Variants in PTPRG observed in about 807,000 individuals in gnomAD.
The protein encoded by PTPRG is receptor-type tyrosine-protein phosphatase gamma.
Under a neutral mutation model 165.3 loss-of-function variants are expected in PTPRG, and 102 were observed. That is an observed-to-expected ratio of 0.62 (90% CI 0.53 to 0.73). The LOEUF (loss-of-function observed/expected upper bound fraction) is 0.73, where lower values mean the gene tolerates loss of function less well. PTPRG is among the 30% of genes least tolerant of loss of function. The pLI is 0.00. For missense variants in PTPRG, 1,866 were observed against 1,861.4 expected (o/e 1.00, Z -0.05); for synonymous variants, 675 against 669.5 (o/e 1.01, Z -0.13).
At chr3:61,828,552 C>T (rs191746533) in intron 2 of PTPRG, among the ~76,000 whole-genome samples, 183 of 152,340 alleles carry the variant, frequency 1.2e-3, no homozygotes. Context: ...AAAGTGAATG[C>T]ATGGACTTGT....
At chr3:61,901,577 A>G (rs1027238760) in intron 2 of PTPRG, among the ~76,000 whole-genome samples, 6 of 152,190 alleles carry the variant, frequency 3.9e-5, no homozygotes, top group Non-Finnish European at 5.9e-5. Flanking sequence ...ATGCTTCCCA[A>G]TTTCAACTGC....
intron 2 of PTPRG, among the ~76,000 whole-genome samples, chr3:61,973,705 G>A (rs1049430182): frequency 3.9e-5 from 6 of 151,916 alleles, no homozygotes; most frequent in Non-Finnish European, 5.9e-5. Flanking sequence ...GGTGGTGGGC[G>A]CCTATAATCC....
intron 4 of PTPRG, among the ~76,000 whole-genome samples, chr3:62,027,784 G>C (rs1699614469): frequency 6.6e-6 from 1 of 152,126 alleles, no homozygotes; most frequent in Non-Finnish European, 1.5e-5. Context: ...TTAAAAAAAG[G>C]ATTTGCTAAA....
At chr3:62,078,420 G>C (rs1019288018) in intron 5 of PTPRG, among the ~76,000 whole-genome samples, 162 bp downstream of exon 5, 1 of 152,138 alleles carries the variant, frequency 6.6e-6, no homozygotes, top group Admixed American at 6.5e-5. Flanking sequence ...ATGTAAATAA[G>C]TATGTTTAGA....
At chr3:61,693,170 T>C (rs1026957921) in intron 1 of PTPRG, among the ~76,000 whole-genome samples, 1 of 152,228 alleles carries the variant, frequency 6.6e-6, no homozygotes, top group Non-Finnish European at 1.5e-5. Flanking sequence ...AGGCATCATA[T>C]TAAGGTACAA....
chr3:62,207,889 A>G (rs143573300), intron 12 of PTPRG, among the ~76,000 whole-genome samples: 288 of 152,332 alleles, frequency 1.9e-3, no homozygotes, highest in African/African-American at 6.6e-3. Context: ...GCAGCAAATT[A>G]AAGAGCACAT....
intron 1 of PTPRG, among the ~76,000 whole-genome samples, chr3:61,579,095 C>T (rs1700226153): frequency 2.0e-5 from 3 of 152,132 alleles, no homozygotes; most frequent in Non-Finnish European, 2.9e-5. Flanking sequence ...AAAAAGAGTT[C>T]CCTGAGGACT....
intron 1 of PTPRG, among the ~76,000 whole-genome samples, chr3:61,673,509 A>C (rs1185564299): frequency 6.6e-6 from 1 of 151,962 alleles, no homozygotes; most frequent in Non-Finnish European, 1.5e-5. Context: ...CCAGTTTGGC[A>C]TTAGGCATCA....
At chr3:61,575,416 T>C (rs1241431543) in intron 1 of PTPRG, among the ~76,000 whole-genome samples, 2 of 152,084 alleles carry the variant, frequency 1.3e-5, no homozygotes, top group Non-Finnish European at 2.9e-5. Flanking sequence ...AAAAATGCAT[T>C]TTTTTGCAGG....
intron 1 of PTPRG, among the ~76,000 whole-genome samples, chr3:61,674,370 C>CCAG (rs1401013493): frequency 6.6e-6 from 1 of 151,228 alleles, no homozygotes; most frequent in Non-Finnish European, 1.5e-5. Flanking sequence ...AGTAGTGATC[C>CCAG]CAGCTACTCA....
intron 2 of PTPRG, among the ~76,000 whole-genome samples, chr3:61,831,103 A>T (rs1315502903): frequency 6.6e-6 from 1 of 152,220 alleles, no homozygotes; most frequent in Non-Finnish European, 1.5e-5. Flanking sequence ...TGCAAAATAT[A>T]TTCCTTTAGT....
chr3:61,735,909 A>AT (rs11422490), intron 1 of PTPRG, among the ~76,000 whole-genome samples: 109,491 of 145,058 alleles, frequency 0.75, 41,233 homozygotes, highest in Middle Eastern at 0.82. Flanking sequence ...TAAAACAATG[A>AT]TTTTTTTTTT....
chr3:62,092,174 A>G (rs938436773), intron 5 of PTPRG, among the ~76,000 whole-genome samples: 4 of 151,168 alleles, frequency 2.6e-5, no homozygotes, highest in African/African-American at 9.7e-5. Flanking sequence ...GTCCAGCTGC[A>G]CATGCCTATA....
intron 2 of PTPRG, among the ~76,000 whole-genome samples, chr3:61,817,999 G>T (rs546023119): frequency 6.6e-6 from 1 of 152,110 alleles, no homozygotes; most frequent in South Asian, 2.1e-4. Context: ...TGAGAAGACA[G>T]GTCTGTGAAA....
chr3:62,271,303 T>A lies in PTPRG; in HGVS notation c.3010-80T>A. The A allele has an allele frequency of 8.1e-7, 1 of 1,231,966 alleles. No homozygotes were observed. Among genetic ancestry groups the A allele is most frequent in the Non-Finnish European group, 1.1e-6 (1 of 875,948 alleles). The allele number at this position is 1,231,966 out of a possible 1,614,324, so 76.3% of individuals were successfully genotyped here. A position where few individuals can be genotyped will look rare whatever the true frequency, so the allele number is the denominator to read the frequency against. On this transcript the variant is annotated intron_variant, in intron 20 of 29. Transcript: ENST00000474889. The surrounding 1 kb of genome is among the most constrained non-coding windows in gnomAD (Gnocchi z 4.1). ...AGGGTGAATGTGATCAGTGGTCATG[T>A]GTCCTGACACCCTTACATTATTTTT...
At chr3:61,803,691 T>C (rs2035327106) in intron 2 of PTPRG, among the ~76,000 whole-genome samples, 1 of 152,282 alleles carries the variant, frequency 6.6e-6, no homozygotes, top group South Asian at 2.1e-4. Context: ...GAATGTCTGG[T>C]GGTTGGCTGG....
intron 2 of PTPRG, among the ~76,000 whole-genome samples, chr3:61,980,168 T>A (rs1233881352): frequency 6.6e-6 from 1 of 152,214 alleles, no homozygotes; most frequent in African/African-American, 2.4e-5. Context: ...CCTGGCCGTG[T>A]TTAAACCAGA....
chr3:61,874,765 T>C (rs973065931), intron 2 of PTPRG, among the ~76,000 whole-genome samples: 28 of 152,174 alleles, frequency 1.8e-4, no homozygotes, highest in African/African-American at 6.5e-4. Context: ...CAAAGAATGA[T>C]CTAGCCCAAA....
chr3:61,812,138 A>C (rs2035599417), intron 2 of PTPRG, among the ~76,000 whole-genome samples: 1 of 152,122 alleles, frequency 6.6e-6, no homozygotes, highest in African/African-American at 2.4e-5. Context: ...TTGTACCCCA[A>C]TATAACGCAT....
Sources: allele counts gnomAD v4.1 joint callset (sites outside exome capture counted in the v4.1 genomes callset), GRCh38; gene constraint gnomAD v4.1.1; non-coding constraint Gnocchi (gnomAD v3.1); transcripts MANE v1.5; gene names NCBI Gene and HGNC (gene_info 2026-07-23, HGNC 2026-07-21).